The following FHOD3 variants were observed in gnomAD, a reference collection of about 807,000 sequenced individuals.
The protein encoded by FHOD3 is formin homology 2 domain containing 3.
Under a neutral mutation model 173.0 loss-of-function variants are expected in FHOD3, and 90 were observed. That is an observed-to-expected ratio of 0.52 (90% CI 0.44 to 0.62). FHOD3 has a LOEUF of 0.62. FHOD3 is among the 20% of genes least tolerant of loss of function. The pLI is 0.00. For missense variants in FHOD3, 1,945 were observed against 2,034.7 expected (o/e 0.96, Z 0.85); for synonymous variants, 828 against 823.0 (o/e 1.01, Z -0.10).
chr18:36,399,033 C>T (rs1024303525), intron 3 of FHOD3, among the ~76,000 whole-genome samples: 3 of 152,132 alleles, frequency 2.0e-5, no homozygotes, highest in Admixed American at 2.0e-4. Flanking sequence ...TTGTCCAAAG[C>T]TGCCTATTTT....
intron 5 of FHOD3, 134 bp from the exon 6 acceptor site, chr18:36,576,317 A>G: frequency 1.9e-6 from 1 of 537,484 alleles, no homozygotes; most frequent in Non-Finnish European, 3.1e-6. Context: ...TTCAGAGCTC[A>G]GGAATTCTCC....
At chr18:36,597,019 G>A (rs931164609) in intron 7 of FHOD3, among the ~76,000 whole-genome samples, 9 of 152,152 alleles carry the variant, frequency 5.9e-5, no homozygotes, top group African/African-American at 2.2e-4. Flanking sequence ...TCCTAACTCT[G>A]GCGGTTGCTT....
At chr18:36,742,593 C>T in intron 21 of FHOD3, 144 bp from the exon 22 acceptor site, 2 of 894,590 alleles carry the variant, frequency 2.2e-6, no homozygotes, top group Non-Finnish European at 3.4e-6. Flanking sequence ...CACACGTTTC[C>T]ATACCTAGGA....
At chr18:36,724,822 GGCATGTTGGAGGCTCCCGGT>G (rs575250750) in intron 19 of FHOD3, among the ~76,000 whole-genome samples, 2 of 152,308 alleles carry the variant, frequency 1.3e-5, no homozygotes, top group East Asian at 3.9e-4. Flanking sequence ...GGCTACTACG[GGCATGTTGGAGGCTCCCGGT>G]AGTTGGAGCT....
intron 13 of FHOD3, among the ~76,000 whole-genome samples, chr18:36,655,530 A>G (rs1356541889): frequency 6.6e-6 from 1 of 152,168 alleles, no homozygotes; most frequent in Non-Finnish European, 1.5e-5. Context: ...GTTGACTTTG[A>G]TTTAACTGAG....
intron 6 of FHOD3, among the ~76,000 whole-genome samples, chr18:36,584,016 TG>T (rs1038979214): frequency 2.1e-4 from 32 of 152,168 alleles, no homozygotes; most frequent in African/African-American, 7.7e-4. Flanking sequence ...TGAATGGAGA[TG>T]GGGTTTCACC....
chr18:36,430,370 C>T (rs906132907), intron 3 of FHOD3, among the ~76,000 whole-genome samples: 1 of 152,156 alleles, frequency 6.6e-6, no homozygotes, highest in Non-Finnish European at 1.5e-5. Flanking sequence ...GTGCCCACCA[C>T]CACGCCCAGC....
chr18:36,477,269 C>T (rs886635768), intron 3 of FHOD3, among the ~76,000 whole-genome samples: 4 of 152,114 alleles, frequency 2.6e-5, no homozygotes, highest in Non-Finnish European at 4.4e-5. Flanking sequence ...AGCATTTAGA[C>T]TGGGGCAGGA....
chr18:36,640,015 GAAAT>G (rs963243920), intron 10 of FHOD3, among the ~76,000 whole-genome samples: 1 of 152,100 alleles, frequency 6.6e-6, no homozygotes, highest in African/African-American at 2.4e-5. Context: ...TGTTTCAGCA[GAAAT>G]AATATGCTTG....
chr18:36,733,787 G>A (rs1020706006), intron 20 of FHOD3, among the ~76,000 whole-genome samples: 3 of 152,138 alleles, frequency 2.0e-5, no homozygotes, highest in African/African-American at 7.2e-5. Context: ...CCAGGTAGGC[G>A]CCTGCCACAG....
chr18:36,618,541 A>C (rs1031580635), intron 9 of FHOD3, among the ~76,000 whole-genome samples: 1 of 152,036 alleles, frequency 6.6e-6, no homozygotes, highest in East Asian at 1.9e-4. Flanking sequence ...GGAACTCCCA[A>C]CCTCAGGTGA....
intron 3 of FHOD3, among the ~76,000 whole-genome samples, chr18:36,429,046 C>G (rs1186522190): frequency 6.6e-6 from 1 of 152,184 alleles, no homozygotes; most frequent in Non-Finnish European, 1.5e-5. Context: ...GAGGTACCCT[C>G]TACTGCCTCA....
chr18:36,401,047 G>C (rs369551724), intron 3 of FHOD3, among the ~76,000 whole-genome samples: 13 of 152,132 alleles, frequency 8.5e-5, no homozygotes, highest in African/African-American at 2.7e-4. Context: ...GGAGCCACTG[G>C]ACACTAGTTA....
intron 3 of FHOD3, among the ~76,000 whole-genome samples, chr18:36,378,285 C>T (rs1265800166): frequency 6.6e-6 from 1 of 152,146 alleles, no homozygotes. Flanking sequence ...ACCTCCTCTC[C>T]TTTATACCCC....
intron 5 of FHOD3, among the ~76,000 whole-genome samples, chr18:36,538,508 T>C (rs147355567): frequency 6.6e-6 from 1 of 152,360 alleles, no homozygotes; most frequent in East Asian, 1.9e-4. Context: ...TTCTGCAGTA[T>C]CAAATGGTTA....
At chr18:36,566,014 T>G (rs1568434696) in intron 5 of FHOD3, among the ~76,000 whole-genome samples, 1 of 152,374 alleles carries the variant, frequency 6.6e-6, no homozygotes. Flanking sequence ...TAAACGGGAT[T>G]ATATCTCTGT....
intron 3 of FHOD3, among the ~76,000 whole-genome samples, chr18:36,467,641 C>G (rs1027989555): frequency 7.2e-5 from 11 of 152,160 alleles, no homozygotes. Flanking sequence ...AGCTTTCTAA[C>G]CTCATTTGCT....
chr18:36,398,440 T>A (rs1369248105), intron 3 of FHOD3, among the ~76,000 whole-genome samples: 2 of 152,228 alleles, frequency 1.3e-5, no homozygotes, highest in East Asian at 3.8e-4. Context: ...TACCCAAGCA[T>A]GGAATTGCTG....
intron 20 of FHOD3, among the ~76,000 whole-genome samples, chr18:36,737,776 T>A (rs2041711140): frequency 6.6e-6 from 1 of 152,260 alleles, no homozygotes; most frequent in Non-Finnish European, 1.5e-5. Flanking sequence ...CACACTTGTG[T>A]AAATATCTGC....
Sources: allele counts gnomAD v4.1 joint callset (sites outside exome capture counted in the v4.1 genomes callset), GRCh38; gene constraint gnomAD v4.1.1; transcripts MANE v1.5; gene names NCBI Gene and HGNC (gene_info 2026-07-23, HGNC 2026-07-21).